The following B4GALT3 variants were observed in gnomAD, a reference collection of about 807,000 sequenced individuals.
B4GALT3 encodes the protein beta-1,4-galactosyltransferase 3.
In B4GALT3, 29 loss-of-function variants were observed where a neutral mutation model predicts 40.7. The ratio of observed to expected loss-of-function variants is 0.71; its 90% CI spans 0.53 to 0.97. The LOEUF is 0.97. Ranked by LOEUF, B4GALT3 falls within the 50% of genes least tolerant of loss-of-function variation. The pLI is 0.00. For missense variants in B4GALT3, 390 were observed against 522.3 expected (o/e 0.75, Z 2.47); for synonymous variants, 182 against 203.9 (o/e 0.89, Z 0.92).
In B4GALT3 at chr1:161,176,173, G is replaced by A. The variant is rs1209257264; in HGVS notation, c.-14-99C>T. 2.3e-6 allele frequency: 3 copies of A among 1,311,602 alleles called. No homozygotes were observed. The African/African-American group carries it at 4.4e-5, about 19-fold the overall frequency. The allele number at this position is 1,311,602 out of a possible 1,614,324, so 81.2% of individuals were successfully genotyped here. ...TGAAGGTGATGCCAGGGGTAAAGAG[G>A]AAAAAGCAGAAAACAAAGTCACAGA... is the stretch of plus-strand genomic sequence containing the variant. On this transcript the variant is annotated intron_variant, in intron 2 of 7. Transcript: ENST00000319769.
Position 161,175,938 on chromosome 1 carries a change from A to G in B4GALT3, c.123T>C (p.Asp41=), listed in dbSNP as rs776199876. The G allele has an allele frequency of 6.2e-7, 1 of 1,614,114 alleles. No homozygotes were observed. Among genetic ancestry groups the G allele is most frequent in the Non-Finnish European group, 8.5e-7 (1 of 1,180,012 alleles). ...FRSLSALFGR[D]QGPTFDYSHP... ...GAGAATAGTCAAATGTCGGTCCCTG[A>G]TCTCGGCCAAATAGGGCACTGAGAC... The change falls in exon 3 of 8, where the codon GAT becomes GAC. Residue 41 remains aspartate, a synonymous_variant. Transcript: ENST00000319769.
At chr1:161,173,253 G>C (rs1417190397) in intron 6 of B4GALT3, among the ~76,000 whole-genome samples, 1 of 152,226 alleles carries the variant, frequency 6.6e-6, no homozygotes. Context: ...GGAACATGGA[G>C]CAGAGCCCCT....
intron 4 of B4GALT3, 137 bp downstream of exon 4, chr1:161,174,856 C>G (rs765190269): frequency 2.3e-6 from 2 of 863,432 alleles, no homozygotes; most frequent in Non-Finnish European, 3.7e-6. Context: ...AGAGCAGTGC[C>G]GGGTGCTTCT....
rs1394212563 is a variant in B4GALT3, at chr1:161,171,742, G to C, written c.*74C>G. On this transcript the variant is annotated 3_prime_UTR_variant, in exon 8 of 8. Coordinates refer to ENST00000319769, the MANE Select transcript of B4GALT3 (RefSeq NM_003779.4). ...GTTCCCTCACATCCCTCTGAGAACA[G>C]TGAGGAGCTGAGGGTGGGGAGAATA... is the stretch of plus-strand genomic sequence containing the variant. 1 of 1,556,328 alleles carries C rather than the reference G, an allele frequency of 6.4e-7. No homozygotes were observed. Among genetic ancestry groups the C allele is most frequent in the Non-Finnish European group, 8.8e-7 (1 of 1,141,754 alleles).
At chr1:161,174,305 G>A (rs1662637208) in intron 4 of B4GALT3, among the ~76,000 whole-genome samples, 1 of 151,848 alleles carries the variant, frequency 6.6e-6, no homozygotes, top group African/African-American at 2.4e-5. Flanking sequence ...TACTCAGGAG[G>A]CTGAGGCAGG....
At chr1:161,176,397 C>G (rs913550971) in intron 2 of B4GALT3, 37 bp downstream of exon 2, 1 of 423,262 alleles carries the variant, frequency 2.4e-6, no homozygotes, top group Non-Finnish European at 4.3e-6. Flanking sequence ...CTAGAGAACC[C>G]CCTCTTCCAA....
At chr1:161,177,325 C>G (rs1356113288) in intron 1 of B4GALT3, 98 bp downstream of exon 1, 1 of 528,326 alleles carries the variant, frequency 1.9e-6, no homozygotes, top group African/African-American at 1.9e-5. Flanking sequence ...CGTCCCTGCT[C>G]AGGCTCGTCT....
chr1:161,176,210 A>G (rs1663454980), intron 2 of B4GALT3, 136 bp from the exon 3 acceptor site: 2 of 942,918 alleles, frequency 2.1e-6, no homozygotes, highest in Admixed American at 2.6e-5. Context: ...GGGAGCACAC[A>G]GGTGCACAGT....
Position 161,173,968 on chromosome 1 carries a change from G to C in B4GALT3, c.571C>G (p.Leu191Val). ...EALRDEEWDC[L>V]FLHDVDLLPE... ...AAGAGGTCCACATCGTGCAAGAACA[G>C]GCAGTCCCACTCTTCATCACGCAGG... The change falls in exon 5 of 8, where the codon CTG becomes GTG. Residue 191 changes from leucine to valine, a missense_variant. Leu to Val is a conservative substitution (Grantham distance 32, BLOSUM62 1). Transcript: ENST00000319769. 6.2e-7 allele frequency: 1 copy of C among 1,614,168 alleles called. No homozygotes were observed. Among genetic ancestry groups the C allele is most frequent in the Non-Finnish European group, 8.5e-7 (1 of 1,180,042 alleles).
At chr1:161,176,298 C>A in intron 2 of B4GALT3, 136 bp downstream of exon 2, 1 of 585,872 alleles carries the variant, frequency 1.7e-6, no homozygotes, top group South Asian at 2.1e-5. Context: ...TCCTCTACCT[C>A]CCCCCAAACC....
Position 161,175,175 on chromosome 1 carries a change from C to G in B4GALT3, c.307G>C (p.Glu103Gln). 6.2e-7 allele frequency: 1 copy of G among 1,613,674 alleles called. No homozygotes were observed. The highest frequency in any genetic ancestry group is 8.5e-7 in the Non-Finnish European group (1 of 1,179,864). The change falls in exon 4 of 8, where the codon GAG (glutamate) becomes CAG (glutamine). Residue 103 changes from glutamate (E) to glutamine (Q), a missense_variant. Coordinates refer to ENST00000319769, the MANE Select transcript of B4GALT3 (RefSeq NM_003779.4). Reference protein sequence around the residue: ...SPVPSLAEIVERNPRVEPGGR... With the variant: ...SPVPSLAEIVQRNPRVEPGGR... ...CCTGGTTCTACCCGGGGATTCCGCT[C>G]CACAATCTCTGCCAGTGATGGCACT... is the stretch of plus-strand genomic sequence containing the variant.
At position 161,174,825 on chromosome 1, in the gene B4GALT3, T is replaced by C. The variant is rs1558053403; in HGVS notation, c.489+168A>G. 5 of 677,856 alleles carry C rather than the reference T, an allele frequency of 7.4e-6. No homozygotes were observed. In the South Asian group the frequency reaches 9.4e-5, roughly 13 times the overall value. The allele number at this position is 677,856 out of a possible 1,614,324, so 42.0% of individuals were successfully genotyped here. ...ATAACCTAAGCAGATTAAGGAAAAG[T>C]ATGGGACTAACAAAGTTGGAAGAGC... On this transcript the variant is annotated intron_variant, in intron 4 of 7. Coordinates refer to ENST00000319769, the MANE Select transcript of B4GALT3 (RefSeq NM_003779.4).
chr1:161,177,520 G>C (rs1255623728), upstream of B4GALT3: 1 of 170,050 alleles, frequency 5.9e-6, no homozygotes, highest in Non-Finnish European at 1.3e-5. Context: ...GGGGTCTCGC[G>C]TCATGGGGCG....
intron 1 of B4GALT3, 87 bp downstream of exon 1, chr1:161,177,336 C>G: frequency 2.0e-6 from 1 of 495,922 alleles, no homozygotes; most frequent in South Asian, 2.4e-5. Context: ...AGGCTCGTCT[C>G]CAGGCGTTAC....
chr1:161,174,957 G>T, intron 4 of B4GALT3, 36 bp downstream of exon 4: 3 of 1,599,114 alleles, frequency 1.9e-6, no homozygotes, highest in Non-Finnish European at 2.6e-6. Flanking sequence ...TTCCTTAGAA[G>T]AAAGTCAGTC....
Position 161,171,949 on chromosome 1 carries a change from C to A in B4GALT3, c.1049G>T (p.Arg350Leu), listed in dbSNP as rs768971975. ...ADIGTDPRGPRAPSGPRYPPG... is the reference protein window; with the variant it reads ...ADIGTDPRGPLAPSGPRYPPG... The stretch of plus-strand genomic sequence containing the variant: ...TGGGTAACGTGGCCCAGAAGGAGCC[C>A]GAGGACCCCGAGGGTCAGTCCCAAT... The change falls in exon 8 of 8, where the codon CGG (arginine) becomes CTG (leucine). Residue 350 changes from arginine to leucine, a missense_variant. This residue lies in a region of B4GALT3 where 72 missense variants were observed against 71.3 expected (regional missense o/e 1.01). Transcript: ENST00000319769. 3.1e-6 allele frequency: 5 copies of A among 1,614,066 alleles called. No individual in the cohort carries two copies. The highest frequency in any genetic ancestry group is 4.2e-6 in the Non-Finnish European group (5 of 1,180,020).
Position 161,172,272 on chromosome 1 carries a change from A to G in B4GALT3, c.863T>C (p.Met288Thr), listed in dbSNP as rs1661729704. The change falls in exon 7 of 8, where the codon ATG (methionine) becomes ACG (threonine). Residue 288 changes from methionine to threonine, a missense_variant. Coordinates refer to ENST00000319769, the MANE Select transcript of B4GALT3 (RefSeq NM_003779.4). ...GCCCTTATCTCCTCGGTGCTTCACC[A>G]TCTTATAGTGTCCTACAGATGTGGG... ...RPPTSVGHYK[M>T]VKHRGDKGNE... 1.2e-6 allele frequency: 2 copies of G among 1,614,044 alleles called. No individual in the cohort carries two copies. Among genetic ancestry groups the G allele is most frequent in the Non-Finnish European group, 1.7e-6 (2 of 1,180,042 alleles).
rs958474905 is a variant in B4GALT3, at chr1:161,174,898, TA to T, written c.489+94del. 75 of 1,348,034 alleles carry T rather than the reference TA, an allele frequency of 5.6e-5. No homozygotes were observed. The Admixed American group carries it at 1.1e-3, about 20-fold the overall frequency. 83.5% of individuals were successfully genotyped at this position (1,348,034 alleles called of 1,614,324 possible). On this transcript the variant is annotated intron_variant, in intron 4 of 7. Coordinates refer to ENST00000319769, the MANE Select transcript of B4GALT3 (RefSeq NM_003779.4). ...TCTAACAGTCTGGCCTTCTTAAAAT[TA>T]TTCTAGGGACCCATTTAGATGAAAG...
rs1661429587 is a variant in B4GALT3, at chr1:161,171,525, G to T, written c.*291C>A. 2 of 580,092 alleles carry T rather than the reference G, an allele frequency of 3.4e-6. No individual in the cohort carries two copies. Among genetic ancestry groups the T allele is most frequent in the South Asian group, 4.1e-5 (2 of 48,546 alleles). The allele number at this position is 580,092 out of a possible 1,614,324, so 35.9% of individuals were successfully genotyped here. Reference sequence around the variant, plus strand: ...CTCCATGGAAGAGGGAGGGGCTTGGGGTCCAGCCCTGCTCCTACTCTAGGG... The same window carrying T: ...CTCCATGGAAGAGGGAGGGGCTTGGTGTCCAGCCCTGCTCCTACTCTAGGG... On this transcript the variant is annotated 3_prime_UTR_variant, in exon 8 of 8. Transcript: ENST00000319769.
Sources: allele counts gnomAD v4.1 joint callset (sites outside exome capture counted in the v4.1 genomes callset), GRCh38; gene constraint gnomAD v4.1.1; regional missense constraint gnomAD v4.1.1; transcripts MANE v1.5; gene names NCBI Gene and HGNC (gene_info 2026-07-23, HGNC 2026-07-21).